The following DENND4C variants were observed in gnomAD, a reference collection of about 807,000 sequenced individuals.
DENND4C encodes DENN domain containing 4C, also known as DENN domain-containing protein 4C.
A neutral mutation model predicts 203.0 loss-of-function variants in DENND4C; 108 were observed. The ratio of observed to expected loss-of-function variants is 0.53; its 90% CI spans 0.46 to 0.62. DENND4C has a LOEUF of 0.62. Ranked by LOEUF, DENND4C falls within the 20% of genes least tolerant of loss-of-function variation. DENND4C has a pLI of 0.00. For missense variants in DENND4C, 2,481 were observed against 2,301.2 expected (o/e 1.08, Z -1.60); for synonymous variants, 871 against 792.4 (o/e 1.10, Z -1.67).
chr9:19,279,701 G>A (rs1459614114), intron 2 of DENND4C, among the ~76,000 whole-genome samples: 3 of 151,138 alleles, frequency 2.0e-5, no homozygotes, highest in Middle Eastern at 3.5e-3. Context: ...AAAAAAATTA[G>A]CAAGGTGTGG....
intron 10 of DENND4C, among the ~76,000 whole-genome samples, chr9:19,311,937 C>G (rs1311635139): frequency 6.6e-6 from 1 of 151,976 alleles, no homozygotes; most frequent in African/African-American, 2.4e-5. Flanking sequence ...AGGAATTGAT[C>G]CTAACATTTT....
intron 16 of DENND4C, 137 bp downstream of exon 16, chr9:19,328,299 T>C: frequency 2.1e-6 from 2 of 935,694 alleles, no homozygotes; most frequent in South Asian, 2.0e-5. Context: ...TTTAACTAGA[T>C]TTCTTGCAAG....
intron 15 of DENND4C, 77 bp downstream of exon 15, chr9:19,326,271 T>TA (rs145981247): frequency 0.013 from 18,809 of 1,437,672 alleles, 146 homozygotes; most frequent in Non-Finnish European, 0.015. Flanking sequence ...ATATGTATAT[T>TA]AGTCTTTTGT....
At chr9:19,231,663 T>C (rs1035411555) in intron 1 of DENND4C, among the ~76,000 whole-genome samples, 4 of 151,936 alleles carry the variant, frequency 2.6e-5, no homozygotes, top group Admixed American at 6.6e-5. Context: ...TCTCCCCTTA[T>C]GTATGTTTGT....
chr9:19,288,433 T>C (rs1276237256), intron 3 of DENND4C, among the ~76,000 whole-genome samples, 163 bp from the exon 4 acceptor site: 1 of 152,260 alleles, frequency 6.6e-6, no homozygotes, highest in African/African-American at 2.4e-5. Context: ...ATTTTAGTGT[T>C]CTGAACTTCA....
At chr9:19,246,823 A>G (rs1156774541) in intron 1 of DENND4C, among the ~76,000 whole-genome samples, 1 of 152,106 alleles carries the variant, frequency 6.6e-6, no homozygotes, top group Non-Finnish European at 1.5e-5. Context: ...AACATGCTAT[A>G]ACTCTTAATT....
At chr9:19,370,021 C>CA in intron 31 of DENND4C, 34 bp downstream of exon 31, 1 of 1,608,854 alleles carries the variant, frequency 6.2e-7, no homozygotes, top group Non-Finnish European at 8.5e-7. Context: ...TGCCACCACT[C>CA]AGTCATTTCA....
chr9:19,279,866 A>T (rs960144042), intron 2 of DENND4C, among the ~76,000 whole-genome samples: 4 of 150,928 alleles, frequency 2.7e-5, no homozygotes, highest in African/African-American at 9.7e-5. Context: ...TTTTTAACAA[A>T]ATTCCCAGAA....
Position 19,352,242 on chromosome 9 carries a change from T to C in DENND4C, c.4605+60T>C, listed in dbSNP as rs1196196558. The C allele has an allele frequency of 2.0e-6, 3 of 1,487,922 alleles. No homozygotes were observed. In the African/African-American group the frequency reaches 4.2e-5, roughly 21 times the overall value. The allele number at this position is 1,487,922 out of a possible 1,614,324, so 92.2% of individuals were successfully genotyped here. On this transcript the variant is annotated intron_variant, in intron 25 of 32. Coordinates refer to ENST00000434457, the MANE Select transcript of DENND4C (RefSeq NM_001330640.2). ...CTGTAAGCATATTTTTATTTCAGAATGGCATTTAACAGGATTCTAAGATAC... is the reference window on the plus strand; with the variant it reads ...CTGTAAGCATATTTTTATTTCAGAACGGCATTTAACAGGATTCTAAGATAC...
At chr9:19,338,260 A>G (rs1820916734) in intron 20 of DENND4C, among the ~76,000 whole-genome samples, 1 of 152,120 alleles carries the variant, frequency 6.6e-6, no homozygotes, top group African/African-American at 2.4e-5. Context: ...GGCTTCATGT[A>G]TAAAAAGCAA....
chr9:19,323,754 A>G (rs1047550812), intron 12 of DENND4C, among the ~76,000 whole-genome samples: 2 of 152,236 alleles, frequency 1.3e-5, no homozygotes, highest in African/African-American at 4.8e-5. Context: ...GCAGAGTATC[A>G]GAGAAATTTC....
In DENND4C at chr9:19,316,819, A is replaced by G; in HGVS notation, c.1787A>G (p.Asp596Gly). ...CCTTCAAATAAAGCCACAGCTGCTGATTCATTGTTTGACCGACAGGGTGAG... is the reference window on the plus strand; with the variant it reads ...CCTTCAAATAAAGCCACAGCTGCTGGTTCATTGTTTGACCGACAGGGTGAG... ...EAPSNKATAA[D>G]SLFDRQGFLK... The change falls in exon 12 of 33, where the codon GAT (aspartate) becomes GGT (glycine). Residue 596 changes from aspartate (D) to glycine (G), a missense_variant. Physicochemically the swap from Asp to Gly is moderately conservative, Grantham distance 94. Around this residue, in one of 3 missense-constraint regions of DENND4C, gnomAD observed 2,289 missense variants for 2,113.3 expected, o/e 1.08. Transcript: ENST00000434457. The G allele has an allele frequency of 6.2e-7, 1 of 1,613,382 alleles. No homozygotes were observed.
chr9:19,336,266 T>G lies in DENND4C; in HGVS notation c.2590-4T>G. 14 of 1,608,072 alleles carry G rather than the reference T, an allele frequency of 8.7e-6. No homozygotes were observed. Among genetic ancestry groups the G allele is most frequent in the Non-Finnish European group, 1.2e-5 (14 of 1,178,270 alleles). ...CATTATTTTTACCCTTATTTTACCT[T>G]TAGGTAGTCTTGGAGAGCCCGTGGC... On this transcript the variant is annotated splice_polypyrimidine_tract_variant and splice_region_variant and intron_variant, in intron 18 of 32. Coordinates refer to ENST00000434457, the MANE Select transcript of DENND4C (RefSeq NM_001330640.2).
rs1054051513 is a variant in DENND4C at position 19,373,898 on chromosome 9, A to G, written c.*1725A>G. 1.3e-5 allele frequency among the ~76,000 whole-genome samples: 2 copies of G among 152,210 alleles called. No individual in the cohort carries two copies. The highest frequency in any genetic ancestry group is 6.5e-5 in the Admixed American group (1 of 15,272). On this transcript the variant is annotated 3_prime_UTR_variant, in exon 33 of 33. Transcript: ENST00000434457. ...CAACATTTCAGGGTTAATCTGACCT[A>G]TGCAGAATTCTAGTGTGAATTTATT... is the stretch of plus-strand genomic sequence containing the variant.
chr9:19,300,419 AAAC>A (rs745809533), intron 9 of DENND4C, 88 bp downstream of exon 9: 210 of 1,233,950 alleles, frequency 1.7e-4, no homozygotes, highest in Non-Finnish European at 2.0e-4. Context: ...GCAACTTTGT[AAAC>A]AACAACAAAT....
At chr9:19,314,282 G>A (rs977857606) in intron 10 of DENND4C, among the ~76,000 whole-genome samples, 1 of 151,794 alleles carries the variant, frequency 6.6e-6, no homozygotes, top group Non-Finnish European at 1.5e-5. Context: ...GTGAAACCCC[G>A]TCTCTACTAA....
chr9:19,240,670 AAC>A (rs1472186380), intron 1 of DENND4C, among the ~76,000 whole-genome samples: 3 of 50,972 alleles, frequency 5.9e-5, no homozygotes, highest in Admixed American at 2.6e-4. Flanking sequence ...CATCTCAAAA[AAC>A]AAAAAAAAAA....
Position 19,274,743 on chromosome 9 carries a change from A to G in DENND4C, c.-17-1415A>G, listed in dbSNP as rs968571294. On this transcript the variant is annotated intron_variant, in intron 1 of 32. Coordinates refer to ENST00000434457, the MANE Select transcript of DENND4C (RefSeq NM_001330640.2). ...TTTATGGAAAGTTTAATTCTTATAAAGCACAAGAGTTCTAACTGGATTGTT... is the reference window on the plus strand; with the variant it reads ...TTTATGGAAAGTTTAATTCTTATAAGGCACAAGAGTTCTAACTGGATTGTT... Among the ~76,000 whole-genome samples, 22 of 152,350 alleles carry G rather than the reference A, an allele frequency of 1.4e-4. 2 individuals are homozygous for G. The highest frequency in any genetic ancestry group is 4.6e-4 in the Admixed American group (7 of 15,298).
Position 19,326,177 on chromosome 9 carries a change from C to A in DENND4C, c.2103C>A (p.Asp701Glu). Residue 701 changes from aspartate to glutamate, a missense_variant, in exon 15 of 33, where the codon GAC (aspartate) becomes GAA (glutamate). Around this residue, in one of 3 missense-constraint regions of DENND4C, gnomAD observed 2,289 missense variants for 2,113.3 expected, o/e 1.08. Transcript: ENST00000434457. Reference protein sequence around the residue: ...PPEPPPDDGKDLSPKYSYKYF... With the variant: ...PPEPPPDDGKELSPKYSYKYF... ...AGCCACCTCCTGATGATGGAAAGGA[C>A]CTGTCACCAAAGTACAGGTAGTAGG... 6.2e-7 allele frequency: 1 copy of A among 1,612,104 alleles called. No homozygotes were observed. Among genetic ancestry groups the A allele is most frequent in the Non-Finnish European group, 8.5e-7 (1 of 1,179,396 alleles).
Sources: gnomAD v4.1 joint callset for allele counts (sites outside exome capture counted in the v4.1 genomes callset) on GRCh38, gnomAD v4.1.1 for gene constraint, gnomAD v4.1.1 regional missense constraint, MANE v1.5 for transcripts, NCBI Gene and HGNC (gene_info 2026-07-23, HGNC 2026-07-21) for gene names.